SEZ6L: variants seen among roughly 807,000 people sequenced by gnomAD.
The protein encoded by SEZ6L is seizure 6-like protein.
In SEZ6L, 37 loss-of-function variants were observed where a neutral mutation model predicts 106.2. The ratio of observed to expected loss-of-function variants is 0.35; its 90% CI spans 0.27 to 0.46. SEZ6L has a LOEUF of 0.46. Ranked by LOEUF, SEZ6L falls within the 20% of genes least tolerant of loss-of-function variation. The probability of loss-of-function intolerance (pLI) is 1.00; values close to 1 mark genes in which losing one functional copy is unlikely to be tolerated. For missense variants in SEZ6L, 1,172 were observed against 1,332.8 expected (o/e 0.88, Z 1.88); for synonymous variants, 541 against 570.4 (o/e 0.95, Z 0.73).
In SEZ6L at chr22:26,305,967, T is replaced by C; in HGVS notation, c.1349-12T>C. ...CTCTCTCCCATTGCCCACCCACCCCTTTCTGGATCAGCTCCTTGTGGAGGG... is the reference window on the plus strand; with the variant it reads ...CTCTCTCCCATTGCCCACCCACCCCCTTCTGGATCAGCTCCTTGTGGAGGG... On this transcript the variant is annotated splice_polypyrimidine_tract_variant and intron_variant, in intron 5 of 16. Transcript: ENST00000248933. The C allele has an allele frequency of 5.3e-6, 6 of 1,136,298 alleles. No individual in the cohort carries two copies. The highest frequency in any genetic ancestry group is 1.2e-5 in the South Asian group (1 of 81,400). The allele number at this position is 1,136,298 out of a possible 1,614,324, so 70.4% of individuals were successfully genotyped here. A position where few individuals can be genotyped will look rare whatever the true frequency, so the allele number is the denominator to read the frequency against.
chr22:26,371,500 G>GT lies in SEZ6L; in HGVS notation c.2795-1950dup, dbSNP rs529185537. ...TACACAAATGTAGCTGGGCATGGTG[G>GT]TGTGCACCTGTAATCCCAGCTACTT... On this transcript the variant is annotated intron_variant, in intron 13 of 16. Coordinates refer to ENST00000248933, the MANE Select transcript of SEZ6L (RefSeq NM_021115.5). Among the ~76,000 whole-genome samples, 330 of 152,190 alleles carry GT rather than the reference G, an allele frequency of 2.2e-3. 2 individuals carry two copies. Among genetic ancestry groups the GT allele is most frequent in the African/African-American group, 7.6e-3 (315 of 41,516 alleles).
chr22:26,357,084 T>C (rs2083462183), intron 12 of SEZ6L, among the ~76,000 whole-genome samples: 1 of 152,070 alleles, frequency 6.6e-6, no homozygotes, highest in Admixed American at 6.6e-5. Flanking sequence ...CCAGAGTAGC[T>C]GGGACTACAG....
intron 12 of SEZ6L, among the ~76,000 whole-genome samples, chr22:26,353,384 C>G (rs1421080925): frequency 2.0e-5 from 3 of 152,082 alleles, no homozygotes; most frequent in African/African-American, 4.8e-5. Context: ...TACACATATA[C>G]TAAGGAAACT....
intron 1 of SEZ6L, among the ~76,000 whole-genome samples, chr22:26,198,431 G>A (rs1195753782): frequency 1.3e-5 from 2 of 152,250 alleles, no homozygotes; most frequent in Non-Finnish European, 2.9e-5. Context: ...GACAGTCATT[G>A]CAAGAGCACA....
intron 1 of SEZ6L, among the ~76,000 whole-genome samples, chr22:26,276,958 G>A (rs905026255): frequency 5.9e-5 from 9 of 152,198 alleles, no homozygotes; most frequent in Non-Finnish European, 1.2e-4. Flanking sequence ...CCCAGCCAAC[G>A]CTCTAATGAG....
At chr22:26,316,165 G>C in intron 9 of SEZ6L, among the ~76,000 whole-genome samples, 1 of 152,072 alleles carries the variant, frequency 6.6e-6, no homozygotes, top group East Asian at 1.9e-4. Flanking sequence ...CATTCCAACC[G>C]AACTGTTTGA....
At chr22:26,271,869 A>C (rs1187843183) in intron 1 of SEZ6L, among the ~76,000 whole-genome samples, 1 of 152,210 alleles carries the variant, frequency 6.6e-6, no homozygotes, top group Non-Finnish European at 1.5e-5. Flanking sequence ...CTACAGTTGT[A>C]CTATTCGTAA....
At chr22:26,361,937 T>C (rs2083649138) in intron 12 of SEZ6L, among the ~76,000 whole-genome samples, 1 of 152,132 alleles carries the variant, frequency 6.6e-6, no homozygotes, top group Non-Finnish European at 1.5e-5. Flanking sequence ...TCAGGATATT[T>C]TCAGAGGAAT....
intron 12 of SEZ6L, among the ~76,000 whole-genome samples, chr22:26,354,766 C>G (rs1300638937): frequency 6.6e-6 from 1 of 152,196 alleles, no homozygotes. Flanking sequence ...AAGACGCAAG[C>G]CTCCCTCCCT....
chr22:26,172,653 T>C (rs1391989124), intron 1 of SEZ6L, among the ~76,000 whole-genome samples: 2 of 152,324 alleles, frequency 1.3e-5, no homozygotes, highest in Admixed American at 1.3e-4. Context: ...CAACCAGGTG[T>C]GTGCAACACC....
chr22:26,351,418 AT>A, intron 12 of SEZ6L, 175 bp downstream of exon 12: 1 of 533,040 alleles, frequency 1.9e-6, no homozygotes, highest in Non-Finnish European at 3.3e-6. Flanking sequence ...ATACTATAAC[AT>A]TTACAGTAAA....
intron 9 of SEZ6L, among the ~76,000 whole-genome samples, chr22:26,324,064 C>T (rs1186972439): frequency 7.1e-6 from 1 of 140,166 alleles, no homozygotes; most frequent in Non-Finnish European, 1.5e-5. Flanking sequence ...CAGTTTTTAA[C>T]CACACACACA....
intron 10 of SEZ6L, among the ~76,000 whole-genome samples, chr22:26,342,936 G>T (rs1285638749): frequency 3.3e-5 from 5 of 152,146 alleles, no homozygotes; most frequent in African/African-American, 1.2e-4. Flanking sequence ...TTTCCAGATG[G>T]TGAACATTTT....
At chr22:26,297,551 T>C (rs145963135) in intron 4 of SEZ6L, among the ~76,000 whole-genome samples, 20 of 152,342 alleles carry the variant, frequency 1.3e-4, no homozygotes, top group African/African-American at 4.8e-4. Context: ...CAGCTTTCCT[T>C]CATTCAAGTT....
chr22:26,292,062 A>G (rs1336484629), intron 1 of SEZ6L, among the ~76,000 whole-genome samples: 2 of 150,662 alleles, frequency 1.3e-5, no homozygotes, highest in Non-Finnish European at 3.0e-5. Context: ...GAAGGAAGGA[A>G]ATGAAGGAAG....
chr22:26,315,260 G>C (rs374842306), intron 9 of SEZ6L, among the ~76,000 whole-genome samples: 22 of 152,138 alleles, frequency 1.4e-4, no homozygotes, highest in East Asian at 1.2e-3. Context: ...CAGGAGGATT[G>C]CTTGAGACCA....
At position 26,382,644 on chromosome 22, in the gene SEZ6L, C is replaced by T. The variant is rs1018707892; in HGVS notation, c.*2349C>T. The T allele has an allele frequency of 7.2e-5, 11 of 151,886 alleles. No homozygotes were observed. Among genetic ancestry groups the T allele is most frequent in the African/African-American group, 2.4e-4 (10 of 41,318 alleles). 9.4% of individuals were successfully genotyped at this position (151,886 alleles called of 1,614,324 possible). On this transcript the variant is annotated 3_prime_UTR_variant, in exon 17 of 17. Coordinates refer to ENST00000248933, the MANE Select transcript of SEZ6L (RefSeq NM_021115.5). ...TGTTTTAGCCTAGAGACAGATCATACGAGTTCAACAATGTACAGTGTGATT... is the reference window on the plus strand; with the variant it reads ...TGTTTTAGCCTAGAGACAGATCATATGAGTTCAACAATGTACAGTGTGATT...
rs536788183 is a variant in SEZ6L, at chr22:26,221,672, C to T, written c.94+51909C>T. Among the ~76,000 whole-genome samples the T allele has an allele frequency of 5.3e-5, 8 of 152,194 alleles. No homozygotes were observed. The East Asian group carries it at 1.2e-3, about 22-fold the overall frequency. On this transcript the variant is annotated intron_variant, in intron 1 of 16. Coordinates refer to ENST00000248933, the MANE Select transcript of SEZ6L (RefSeq NM_021115.5). Reference sequence around the variant, plus strand: ...ATCTACTCAACAATATTTTAAGGTTCTAAGAGAAAAGCACCATCTCTCGTA... The same window carrying T: ...ATCTACTCAACAATATTTTAAGGTTTTAAGAGAAAAGCACCATCTCTCGTA...
At chr22:26,313,583 C>CAG (rs2081907852) in intron 8 of SEZ6L, among the ~76,000 whole-genome samples, 181 bp from the exon 9 acceptor site, 1 of 76,756 alleles carries the variant, frequency 1.3e-5, no homozygotes, top group African/African-American at 7.8e-5. Context: ...CACACACACA[C>CAG]ACACACACAC....
Sources: allele counts gnomAD v4.1 joint callset (sites outside exome capture counted in the v4.1 genomes callset), GRCh38; gene constraint gnomAD v4.1.1; transcripts MANE v1.5; gene names NCBI Gene and HGNC (gene_info 2026-07-23, HGNC 2026-07-21).